Variants in DMD observed in about 807,000 individuals in gnomAD.
DMD encodes the protein dystrophin, also known as mutant dystrophin.
DMD carries 63 observed loss-of-function variants against 330.1 expected under a neutral mutation model. The observed-to-expected ratio is 0.19, with a 90% confidence interval of 0.16 to 0.24. The LOEUF (loss-of-function observed/expected upper bound fraction) is 0.24, where lower values mean the gene tolerates loss of function less well. DMD is among the 10% of genes least tolerant of loss of function. The pLI, the probability that DMD is intolerant of heterozygous loss-of-function variation, is 1.00. For synonymous variants in DMD, 1,223 were observed against 959.8 expected, an observed-to-expected ratio of 1.27 and a Z score of -5.07; for missense variants, 3,344 against 2,684.1, an observed-to-expected ratio of 1.25 and a Z score of -5.43.
intron 1 of DMD, among the ~76,000 whole-genome samples, chrX:33,160,340 G>A (rs960053683): frequency 1.8e-5 from 2 of 111,445 alleles, no homozygotes; most frequent in Non-Finnish European, 3.8e-5. Context: ...CCTCTAGGGT[G>A]GACTCAGCTA....
intron 50 of DMD, among the ~76,000 whole-genome samples, chrX:31,811,777 C>A (rs191862041): frequency 1.8e-5 from 2 of 111,192 alleles, no homozygotes; most frequent in Admixed American, 9.6e-5. Flanking sequence ...TTTGGCCTCA[C>A]GGAAATTTAT....
At chrX:33,177,974 C>T (rs1205567102) in intron 1 of DMD, among the ~76,000 whole-genome samples, 2 of 112,130 alleles carry the variant, frequency 1.8e-5, no homozygotes, top group African/African-American at 6.5e-5. Flanking sequence ...GGGTTCCAAA[C>T]TGGAATTTTA....
intron 62 of DMD, among the ~76,000 whole-genome samples, chrX:31,316,796 G>A (rs2056049887): frequency 8.9e-6 from 1 of 111,888 alleles, no homozygotes; most frequent in Admixed American, 9.5e-5. Context: ...TTATCTTTGT[G>A]TACTAAAGCC....
intron 63 of DMD, among the ~76,000 whole-genome samples, chrX:31,257,362 T>C (rs1394814786): frequency 1.8e-5 from 2 of 108,156 alleles, no homozygotes; most frequent in African/African-American, 6.8e-5. Flanking sequence ...GGGGGCTAGA[T>C]GTGGTCTTAA....
intron 1 of DMD, among the ~76,000 whole-genome samples, chrX:33,244,856 C>A (rs1279535945): frequency 9.0e-6 from 1 of 111,516 alleles, no homozygotes; most frequent in Non-Finnish European, 1.9e-5. Context: ...ACTTGCTATA[C>A]AATTAATATA....
chrX:32,167,733 G>GA (rs1347247660), intron 44 of DMD, among the ~76,000 whole-genome samples: 1 of 111,796 alleles, frequency 8.9e-6, no homozygotes, highest in Non-Finnish European at 1.9e-5. Context: ...GGACAGGCAC[G>GA]AAGGCCTTTA....
intron 44 of DMD, among the ~76,000 whole-genome samples, chrX:32,059,852 C>T (rs6631473): frequency 0.27 from 29,744 of 110,339 alleles, 2,890 homozygotes; most frequent in South Asian, 0.38. Context: ...AAGAATTTTA[C>T]AAAACAGATT....
chrX:32,997,190 A>AT (rs1196966533), intron 2 of DMD, among the ~76,000 whole-genome samples: 1 of 110,138 alleles, frequency 9.1e-6, no homozygotes, highest in African/African-American at 3.3e-5. Context: ...TGTATTTTTA[A>AT]TTTTTGTGGG....
rs756489424 is a variant in DMD at position 32,411,841 on chromosome X, T to G, written c.4144A>C (p.Ile1382Leu). The G allele has an allele frequency of 8.3e-7, 1 of 1,209,288 alleles. No individual in the cohort carries two copies. The highest frequency in any genetic ancestry group is 1.8e-5 in the South Asian group (1 of 56,803). ...TCAATGAATGTGAGGGACTCCTGGA[T>G]TAAGTGTAAGGATTTTTCAGTCTCC... is the stretch of plus-strand genomic sequence containing the variant. ...AQETEKSLHL[I>L]QESLTFIDKQ... The change falls in exon 30 of 79, where the codon ATC (isoleucine) becomes CTC (leucine). Residue 1382 changes from isoleucine to leucine, a missense_variant. Transcript: ENST00000357033.
chrX:32,978,155 A>G (rs1338323814), intron 2 of DMD, among the ~76,000 whole-genome samples: 5 of 111,832 alleles, frequency 4.5e-5, no homozygotes, highest in African/African-American at 1.6e-4. Flanking sequence ...GGACTGCTAC[A>G]GGGCAGGAAG....
chrX:31,904,771 G>C (rs1603566918), intron 47 of DMD, among the ~76,000 whole-genome samples: 1 of 111,461 alleles, frequency 9.0e-6, no homozygotes, highest in East Asian at 2.8e-4. Flanking sequence ...CAGCCTTTGT[G>C]AGAGACCCCG....
chrX:31,490,472 C>T (rs962106567), intron 57 of DMD, among the ~76,000 whole-genome samples: 3 of 111,422 alleles, frequency 2.7e-5, no homozygotes, highest in Non-Finnish European at 5.7e-5. Flanking sequence ...AGGAGAATGG[C>T]GTGAACCCAG....
intron 55 of DMD, among the ~76,000 whole-genome samples, chrX:31,604,950 T>C (rs1181765401): frequency 2.7e-5 from 3 of 112,134 alleles, no homozygotes; most frequent in Non-Finnish European, 3.8e-5. Flanking sequence ...TAATTGAGTA[T>C]ATATTGAGGT....
intron 34 of DMD, among the ~76,000 whole-genome samples, chrX:32,367,390 G>T (rs188631149): frequency 2.7e-5 from 3 of 112,057 alleles, no homozygotes; most frequent in Non-Finnish European, 5.6e-5. Context: ...CTGGCATCTC[G>T]CTGTAGTTGA....
chrX:32,730,969 C>T (rs762588816), intron 7 of DMD, among the ~76,000 whole-genome samples: 36 of 111,729 alleles, frequency 3.2e-4, no homozygotes, highest in Non-Finnish European at 4.7e-4. Context: ...ACGCAGAAGA[C>T]GGGTGATTTC....
rs200504614 is a variant in DMD, at chrX:32,545,289, T to C, written c.2038A>G (p.Thr680Ala). 8.3e-7 allele frequency: 1 copy of C among 1,209,225 alleles called. No individual in the cohort carries two copies. The highest frequency in any genetic ancestry group is 1.1e-6 in the Non-Finnish European group (1 of 894,648). ...TTTQPSLTQT[T>A]VMETVTTVTT... ...ACCGTAGTTACTGTTTCCATTACAG[T>C]TGTCTGTGTTAGTGATGGCTGAGTG... Residue 680 changes from threonine (T) to alanine (A), a missense_variant, in exon 17 of 79, where the codon ACT (threonine) becomes GCT (alanine). Transcript: ENST00000357033.
chrX:31,555,315 G>C (rs1189926222), intron 55 of DMD, among the ~76,000 whole-genome samples: 1 of 111,715 alleles, frequency 9.0e-6, no homozygotes, highest in Non-Finnish European at 1.9e-5. Flanking sequence ...GTGTTAATTA[G>C]AAGATAAGTA....
At chrX:33,157,862 C>A (rs1358440081) in intron 1 of DMD, among the ~76,000 whole-genome samples, 2 of 111,795 alleles carry the variant, frequency 1.8e-5, no homozygotes, top group South Asian at 7.5e-4. Flanking sequence ...GAGGCTGAGG[C>A]GGGAGAATCG....
chrX:32,140,326 T>C (rs1282765161), intron 44 of DMD, among the ~76,000 whole-genome samples: 1 of 111,590 alleles, frequency 9.0e-6, no homozygotes, highest in African/African-American at 3.2e-5. Context: ...CTAGCCACAT[T>C]TGCATTGTTA....
Sources: gnomAD v4.1 joint callset for allele counts (sites outside exome capture counted in the v4.1 genomes callset) on GRCh38, gnomAD v4.1.1 for gene constraint, MANE v1.5 for transcripts, NCBI Gene and HGNC (gene_info 2026-07-23, HGNC 2026-07-21) for gene names.